The following NUP133 variants were observed in gnomAD, a reference collection of about 807,000 sequenced individuals.
NUP133 encodes the protein nuclear pore complex protein Nup133.
NUP133 carries 66 observed loss-of-function variants against 146.2 expected under a neutral mutation model. The ratio of observed to expected loss-of-function variants is 0.45; its 90% confidence interval spans 0.37 to 0.55. NUP133 has a LOEUF of 0.55. Ranked by LOEUF, NUP133 falls within the 20% of genes least tolerant of loss-of-function variation. The probability of loss-of-function intolerance (pLI) is 0.00; values close to 1 mark genes in which losing one functional copy is unlikely to be tolerated. For missense variants in NUP133, 1,277 were observed against 1,374.8 expected (o/e 0.93, Z 1.12); for synonymous variants, 521 against 498.8 (o/e 1.04, Z -0.59).
chr1:229,491,782 A>G (rs1661522092), intron 8 of NUP133, among the ~76,000 whole-genome samples: 1 of 152,160 alleles, frequency 6.6e-6, no homozygotes, highest in African/African-American at 2.4e-5. Flanking sequence ...TAACTCAAAA[A>G]AAAAATAATT....
intron 25 of NUP133, among the ~76,000 whole-genome samples, chr1:229,443,995 C>G (rs929292799): frequency 2.6e-5 from 4 of 151,070 alleles, no homozygotes; most frequent in African/African-American, 9.8e-5. Context: ...CCCACCTTGG[C>G]CTCCCAAAGT....
Position 229,441,810 on chromosome 1 carries a change from G to T in NUP133, c.*94C>A. The T allele has an allele frequency of 2.0e-6, 2 of 1,017,770 alleles. No individual in the cohort carries two copies. The highest frequency in any genetic ancestry group is 2.8e-6 in the Non-Finnish European group (2 of 704,078). 63.0% of individuals were successfully genotyped at this position (1,017,770 alleles called of 1,614,324 possible). A position where few individuals can be genotyped will look rare whatever the true frequency, so the allele number is the denominator to read the frequency against. On this transcript the variant is annotated 3_prime_UTR_variant, in exon 26 of 26. Coordinates refer to ENST00000261396, the MANE Select transcript of NUP133 (RefSeq NM_018230.3). ...ATAAAAACTCAGCTATACATGTTAT[G>T]AAATTGTACAAACTTACACTTGTTT...
chr1:229,494,465 T>C (rs1661602664), intron 8 of NUP133, among the ~76,000 whole-genome samples: 1 of 152,168 alleles, frequency 6.6e-6, no homozygotes, highest in South Asian at 2.1e-4. Flanking sequence ...ACAGTAAAAA[T>C]TACTCTAAAA....
At chr1:229,445,116 G>C (rs982035829) in intron 24 of NUP133, 114 bp from the exon 25 acceptor site, 1 of 743,966 alleles carries the variant, frequency 1.3e-6, no homozygotes, top group East Asian at 2.5e-5. Flanking sequence ...GAGAATCTGA[G>C]TTTTGTGATA....
intron 6 of NUP133, among the ~76,000 whole-genome samples, chr1:229,496,973 T>C (rs16849868): frequency 0.028 from 4,241 of 152,338 alleles, 204 homozygotes; most frequent in African/African-American, 0.097. Flanking sequence ...AGAATGTATG[T>C]AGTTAGTCAT....
intron 11 of NUP133, among the ~76,000 whole-genome samples, chr1:229,485,294 G>A (rs1016490229): frequency 2.0e-4 from 30 of 152,200 alleles, no homozygotes; most frequent in Admixed American, 1.8e-3. Flanking sequence ...GCAGAGGACA[G>A]GTCCTGAGGA....
rs138427409 is a variant in NUP133 at position 229,506,419 on chromosome 1, A to G, written c.183-261T>C. 1.1e-4 allele frequency among the ~76,000 whole-genome samples: 17 copies of G among 148,712 alleles called. No homozygotes were observed. In the East Asian group the frequency reaches 2.1e-3, roughly 19 times the overall value. ...AAACTCCTTATAATTCTGCCTCCTTAGCTGTGAAATAAGGCTTAACTAGAC... is the reference window on the plus strand; with the variant it reads ...AAACTCCTTATAATTCTGCCTCCTTGGCTGTGAAATAAGGCTTAACTAGAC... On this transcript the variant is annotated intron_variant, in intron 1 of 25. Coordinates refer to ENST00000261396, the MANE Select transcript of NUP133 (RefSeq NM_018230.3).
At position 229,498,218 on chromosome 1, in the gene NUP133, G is replaced by A; in HGVS notation, c.737C>T (p.Pro246Leu). ...TCCTGAAAGCATGCCTTGCCCCTGA[G>A]GCAGGATATGCTGATGAATCTTTCC... is the stretch of plus-strand genomic sequence containing the variant. ...SSGKIHQHIL[P>L]QGQGMLSGIG... The change falls in exon 6 of 26, where the codon CCT (proline) becomes CTT (leucine). Residue 246 changes from proline to leucine, a missense_variant. Physicochemically the swap from Pro to Leu is moderately conservative, Grantham distance 98. Around this residue, in one of 3 missense-constraint regions of NUP133, gnomAD observed 319 missense variants for 306.9 expected, o/e 1.04. Coordinates refer to ENST00000261396, the MANE Select transcript of NUP133 (RefSeq NM_018230.3). 6.2e-7 allele frequency: 1 copy of A among 1,613,156 alleles called. No homozygotes were observed. The highest frequency in any genetic ancestry group is 8.5e-7 in the Non-Finnish European group (1 of 1,179,712).
At chr1:229,456,739 T>TTG (rs1471767545) in intron 21 of NUP133, among the ~76,000 whole-genome samples, 12 of 140,094 alleles carry the variant, frequency 8.6e-5, no homozygotes, top group African/African-American at 3.5e-4. Flanking sequence ...TATATGTGTA[T>TTG]TGTGTATATA....
At chr1:229,496,946 G>C (rs1661671109) in intron 6 of NUP133, among the ~76,000 whole-genome samples, 1 of 152,244 alleles carries the variant, frequency 6.6e-6, no homozygotes, top group African/African-American at 2.4e-5. Context: ...ACAGAATTGT[G>C]TTTGAATGCA....
chr1:229,441,641 T>A lies in NUP133; in HGVS notation c.*263A>T. On this transcript the variant is annotated 3_prime_UTR_variant, in exon 26 of 26. Transcript: ENST00000261396. ...GAACCAGGACAAGAACTCCAGAACC[T>A]GGGACCACGTGAGAGTAAAAAGAAA... 2.7e-6 allele frequency: 1 copy of A among 374,020 alleles called. No homozygotes were observed. 23.2% of individuals were successfully genotyped at this position (374,020 alleles called of 1,614,324 possible). A position where few individuals can be genotyped will look rare whatever the true frequency, so the allele number is the denominator to read the frequency against.
intron 21 of NUP133, 59 bp from the exon 22 acceptor site, chr1:229,452,702 C>T: frequency 7.5e-7 from 1 of 1,327,714 alleles, no homozygotes; most frequent in Non-Finnish European, 1.1e-6. Flanking sequence ...CTTTTGCTCT[C>T]ATTTTTGCTG....
intron 2 of NUP133, among the ~76,000 whole-genome samples, 186 bp from the exon 3 acceptor site, chr1:229,502,288 T>C (rs1262018435): frequency 6.6e-6 from 1 of 151,932 alleles, no homozygotes; most frequent in Non-Finnish European, 1.5e-5. Context: ...ACTTTAGAAA[T>C]ATATCTAACG....
intron 11 of NUP133, 82 bp from the exon 12 acceptor site, chr1:229,484,227 T>G: frequency 1.1e-6 from 1 of 893,532 alleles, no homozygotes; most frequent in Non-Finnish European, 1.8e-6. Flanking sequence ...ACCCATCCTA[T>G]GATAGCAACT....
Position 229,465,523 on chromosome 1 carries a change from G to GA in NUP133, c.2200-5dup. 6.2e-7 allele frequency: 1 copy of GA among 1,606,188 alleles called. No homozygotes were observed. The highest frequency in any genetic ancestry group is 8.5e-7 in the Non-Finnish European group (1 of 1,173,928). On this transcript the variant is annotated splice_polypyrimidine_tract_variant and splice_region_variant and intron_variant, in intron 16 of 25. Coordinates refer to ENST00000261396, the MANE Select transcript of NUP133 (RefSeq NM_018230.3). ...GACTAGCAGCCTGCAGCATATCCTG[G>GA]AAAAAAAGTTAATGTGTTATCACAT...
At chr1:229,490,216 T>A in intron 8 of NUP133, 114 bp from the exon 9 acceptor site, 1 of 880,794 alleles carries the variant, frequency 1.1e-6, no homozygotes, top group Non-Finnish European at 1.6e-6. Context: ...TGGACACCTA[T>A]CCAAGAGAAA....
chr1:229,491,219 G>A (rs1158390225), intron 8 of NUP133, among the ~76,000 whole-genome samples: 4 of 152,138 alleles, frequency 2.6e-5, no homozygotes, highest in Non-Finnish European at 4.4e-5. Flanking sequence ...TAGAGTAGTT[G>A]CAGTAAAGAC....
intron 14 of NUP133, among the ~76,000 whole-genome samples, chr1:229,471,339 T>C (rs1660950489): frequency 6.6e-6 from 1 of 152,068 alleles, no homozygotes; most frequent in Non-Finnish European, 1.5e-5. Flanking sequence ...GGCCACAAGA[T>C]CTCCTGGCCA....
chr1:229,483,696 CAAAAAAAAAAA>C (rs35673633), intron 12 of NUP133, among the ~76,000 whole-genome samples: 6 of 57,534 alleles, frequency 1.0e-4, no homozygotes, highest in African/African-American at 2.0e-4. Flanking sequence ...CGGAGTGTCT[CAAAAAAAAAAA>C]AAAAAAAAAA....
Sources: gnomAD v4.1 joint callset for allele counts (sites outside exome capture counted in the v4.1 genomes callset) on GRCh38, gnomAD v4.1.1 for gene constraint, gnomAD v4.1.1 regional missense constraint, MANE v1.5 for transcripts, NCBI Gene and HGNC (gene_info 2026-07-23, HGNC 2026-07-21) for gene names.